Variants in TRAPPC9 observed in about 807,000 individuals in gnomAD.
The protein encoded by TRAPPC9 is IKK2 binding protein.
TRAPPC9 carries 83 observed loss-of-function variants against 124.0 expected under a neutral mutation model. That is an observed-to-expected ratio of 0.67 (90% confidence interval 0.56 to 0.80). The LOEUF is 0.80. TRAPPC9 is among the 30% of genes least tolerant of loss of function. The pLI is 0.00. For missense variants in TRAPPC9, 1,302 were observed against 1,508.3 expected, an observed-to-expected ratio of 0.86 and a Z score of 2.27; for synonymous variants, 638 against 617.5, an observed-to-expected ratio of 1.03 and a Z score of -0.49.
intron 21 of TRAPPC9, among the ~76,000 whole-genome samples, chr8:139,770,175 C>G (rs975534965): frequency 7.2e-5 from 11 of 152,362 alleles, no homozygotes; most frequent in Admixed American, 2.6e-4. Flanking sequence ...ACCCACAGCG[C>G]TGCCAGCCCG....
At chr8:140,092,716 G>A (rs1352552804) in intron 17 of TRAPPC9, among the ~76,000 whole-genome samples, 1 of 152,196 alleles carries the variant, frequency 6.6e-6, no homozygotes, top group African/African-American at 2.4e-5. Flanking sequence ...ATGATGGAGA[G>A]AAAACATCTC....
chr8:140,437,027 G>C (rs1041604691), intron 3 of TRAPPC9, among the ~76,000 whole-genome samples: 1 of 151,986 alleles, frequency 6.6e-6, no homozygotes, highest in African/African-American at 2.4e-5. Flanking sequence ...GCAGTGGTGC[G>C]ATCGTGGCTC....
chr8:139,863,351 C>A (rs1437013454), intron 21 of TRAPPC9, among the ~76,000 whole-genome samples: 4 of 152,234 alleles, frequency 2.6e-5, no homozygotes, highest in Non-Finnish European at 5.9e-5. Flanking sequence ...TGCCCAGCTG[C>A]AGCACAGGGA....
chr8:140,434,435 T>A (rs2070743944), intron 4 of TRAPPC9, among the ~76,000 whole-genome samples: 1 of 152,164 alleles, frequency 6.6e-6, no homozygotes, highest in Non-Finnish European at 1.5e-5. Flanking sequence ...ATTGAGAGAA[T>A]GTCATCAGCC....
rs139145909 is a variant in TRAPPC9 at position 140,369,386 on chromosome 8, T to C, written c.1351+1578A>G. Among the ~76,000 whole-genome samples, 807 of 152,254 alleles carry C rather than the reference T, an allele frequency of 5.3e-3. 4 individuals are homozygous for C. Among genetic ancestry groups the C allele is most frequent in the Middle Eastern group, 0.02 (6 of 294 alleles). On this transcript the variant is annotated intron_variant, in intron 8 of 22. Transcript: ENST00000438773. ...CTGTAGAGGGCAGAAACTGTCTCCT[T>C]TGCCATCGCATCACTCACCCAACAC...
intron 21 of TRAPPC9, among the ~76,000 whole-genome samples, chr8:139,830,617 T>C (rs1825928296): frequency 1.3e-5 from 2 of 150,560 alleles, no homozygotes; most frequent in Non-Finnish European, 1.5e-5. Context: ...ACCACACGCA[T>C]ACACACACAT....
chr8:139,921,528 C>T (rs890716468), intron 19 of TRAPPC9, among the ~76,000 whole-genome samples: 4 of 152,118 alleles, frequency 2.6e-5, no homozygotes, highest in Non-Finnish European at 5.9e-5. Context: ...GTATCAGGCA[C>T]TGATCCTGCC....
intron 15 of TRAPPC9, among the ~76,000 whole-genome samples, chr8:140,273,993 C>T (rs774750525): frequency 6.6e-6 from 1 of 152,172 alleles, no homozygotes; most frequent in Non-Finnish European, 1.5e-5. Flanking sequence ...TACTGGGCCC[C>T]GGCTCCCCAG....
At chr8:140,032,079 A>G (rs1840532745) in intron 17 of TRAPPC9, among the ~76,000 whole-genome samples, 1 of 152,200 alleles carries the variant, frequency 6.6e-6, no homozygotes, top group South Asian at 2.1e-4. Flanking sequence ...GCTCCAGCCA[A>G]ATTTCACCTT....
intron 17 of TRAPPC9, among the ~76,000 whole-genome samples, chr8:140,149,663 C>T (rs912163316): frequency 2.6e-5 from 4 of 151,968 alleles, no homozygotes; most frequent in Non-Finnish European, 4.4e-5. Flanking sequence ...CGATTAGTGA[C>T]GGCTTCAATT....
At chr8:139,784,555 C>T (rs1043167269) in intron 21 of TRAPPC9, among the ~76,000 whole-genome samples, 23 of 142,344 alleles carry the variant, frequency 1.6e-4, no homozygotes, top group East Asian at 4.1e-4. Flanking sequence ...GCCTGGGCAA[C>T]GGAGAGAGAC....
At position 139,984,458 on chromosome 8, in the gene TRAPPC9, G is replaced by A. The variant is rs912653759; in HGVS notation, c.2810+4268C>T. Among the ~76,000 whole-genome samples, 3 of 151,830 alleles carry A rather than the reference G, an allele frequency of 2.0e-5. No individual in the cohort carries two copies. Among genetic ancestry groups the A allele is most frequent in the African/African-American group, 7.3e-5 (3 of 41,364 alleles). Reference sequence around the variant, plus strand: ...GTTTAGCACAGCCTGGGGGTGGGGGGCCGGGGGGTGGTGGCAGGGGTGCCT... The same window carrying A: ...GTTTAGCACAGCCTGGGGGTGGGGGACCGGGGGGTGGTGGCAGGGGTGCCT... On this transcript the variant is annotated intron_variant, in intron 19 of 22. Transcript: ENST00000438773. This position sits in a 1 kb window ranked among gnomAD's most constrained non-coding sequence, Gnocchi z 4.3.
intron 19 of TRAPPC9, among the ~76,000 whole-genome samples, chr8:139,956,158 G>T (rs556768509): frequency 2.7e-5 from 4 of 147,650 alleles, no homozygotes; most frequent in African/African-American, 9.9e-5. Flanking sequence ...ATGTTGTTTC[G>T]TTTTTTTTTT....
chr8:139,900,484 C>G (rs1371206111), intron 20 of TRAPPC9, among the ~76,000 whole-genome samples: 2 of 152,192 alleles, frequency 1.3e-5, no homozygotes, highest in African/African-American at 4.8e-5. Context: ...TTAAAGAAGC[C>G]CAGCCTCCTG....
At position 140,017,408 on chromosome 8, in the gene TRAPPC9, T is replaced by C. The variant is rs1167001648; in HGVS notation, c.2699+6529A>G. ...CCAGTGAATTCTTGGGCAGATGTGA[T>C]GTATGGGTGAAGGGTTGTTTTTATT... On this transcript the variant is annotated intron_variant, in intron 18 of 22. Transcript: ENST00000438773. Among the ~76,000 whole-genome samples, 6 of 152,370 alleles carry C rather than the reference T, an allele frequency of 3.9e-5. No homozygotes were observed. In the Middle Eastern group the frequency reaches 0.01, roughly 259 times the overall value.
chr8:139,750,987 CA>C (rs1344099416), intron 21 of TRAPPC9, among the ~76,000 whole-genome samples: 1 of 152,246 alleles, frequency 6.6e-6, no homozygotes, highest in Non-Finnish European at 1.5e-5. Flanking sequence ...TGGCCCACCC[CA>C]AGGGCTGCAG....
chr8:140,009,293 G>A lies in TRAPPC9; in HGVS notation c.2699+14644C>T, dbSNP rs1587482060. 2.0e-5 allele frequency among the ~76,000 whole-genome samples: 3 copies of A among 152,302 alleles called. No homozygotes were observed. In the East Asian group the frequency reaches 5.8e-4, roughly 29 times the overall value. ...CTTGTTATAACAGCAGACTGATATT[G>A]TCAAGACATCACAGGACAAATGAGC... is the stretch of plus-strand genomic sequence containing the variant. On this transcript the variant is annotated intron_variant, in intron 18 of 22. Transcript: ENST00000438773.
At chr8:140,419,784 G>C (rs779208433) in intron 5 of TRAPPC9, among the ~76,000 whole-genome samples, 1 of 152,042 alleles carries the variant, frequency 6.6e-6, no homozygotes, top group Non-Finnish European at 1.5e-5. Context: ...TACTCGGGAG[G>C]CTGAGGCAAG....
Position 139,839,017 on chromosome 8 carries a change from G to A in TRAPPC9, c.3055+46862C>T, listed in dbSNP as rs1036028574. Among the ~76,000 whole-genome samples, 3 of 152,170 alleles carry A rather than the reference G, an allele frequency of 2.0e-5. No homozygotes were observed. In the East Asian group the frequency reaches 5.8e-4, roughly 29 times the overall value. On this transcript the variant is annotated intron_variant, in intron 21 of 22. Coordinates refer to ENST00000438773, the MANE Select transcript of TRAPPC9 (RefSeq NM_001160372.4). The stretch of plus-strand genomic sequence containing the variant: ...GAATTCTCCCTTTTCACAAGGGAAG[G>A]CCCTATTTAGAAGATGCATCTCCTG...
Sources: gnomAD v4.1 joint callset for allele counts (sites outside exome capture counted in the v4.1 genomes callset) on GRCh38, gnomAD v4.1.1 for gene constraint, Gnocchi (gnomAD v3.1) non-coding constraint, MANE v1.5 for transcripts, NCBI Gene and HGNC (gene_info 2026-07-23, HGNC 2026-07-21) for gene names.